Variants in VPS13D observed in about 807,000 individuals in gnomAD.
The protein encoded by VPS13D is intermembrane lipid transfer protein VPS13D.
VPS13D carries 187 observed loss-of-function variants against 461.9 expected under a neutral mutation model. That is an observed-to-expected ratio of 0.40 (90% CI 0.36 to 0.46). The LOEUF (loss-of-function observed/expected upper bound fraction) is 0.46, where lower values mean the gene tolerates loss of function less well. VPS13D is among the 20% of genes least tolerant of loss of function. VPS13D has a pLI of 0.60. For missense variants in VPS13D, 4,711 were observed against 5,364.9 expected (o/e 0.88, Z 3.81); for synonymous variants, 1,951 against 1,986.3 (o/e 0.98, Z 0.47).
At chr1:12,432,758 G>A (rs1193870002) in intron 65 of VPS13D, among the ~76,000 whole-genome samples, 2 of 151,976 alleles carry the variant, frequency 1.3e-5, no homozygotes, top group Admixed American at 6.6e-5. Flanking sequence ...ACCACACCTG[G>A]CTAAATTTTT....
chr1:12,277,484 T>G lies in VPS13D; in HGVS notation c.3896T>G (p.Phe1299Cys). 1 of 1,614,098 alleles carries G rather than the reference T, an allele frequency of 6.2e-7. No homozygotes were observed. Among genetic ancestry groups the G allele is most frequent in the Non-Finnish European group, 8.5e-7 (1 of 1,180,014 alleles). The stretch of plus-strand genomic sequence containing the variant: ...TTACATTATAACCACTCTGCTAAGT[T>G]TTTGAAGGAGTTGACGTTATCCATG... Reference protein sequence around the residue: ...ASLHYNHSAKFLKELTLSMDE... With the variant: ...ASLHYNHSAKCLKELTLSMDE... The change falls in exon 19 of 70, where the codon TTT becomes TGT. Residue 1299 changes from phenylalanine to cysteine, a missense_variant. This residue lies in a region of VPS13D where 4,411 missense variants were observed against 4,937.8 expected (regional missense o/e 0.89). Transcript: ENST00000620676.
At chr1:12,283,794 T>C in intron 21 of VPS13D, 58 bp downstream of exon 21, 1 of 1,490,788 alleles carries the variant, frequency 6.7e-7, no homozygotes, top group South Asian at 1.3e-5. Flanking sequence ...GGCTTGTTGA[T>C]TTAAATACAA....
intron 44 of VPS13D, among the ~76,000 whole-genome samples, chr1:12,348,175 A>G (rs1643717386): frequency 6.6e-6 from 1 of 152,202 alleles, no homozygotes; most frequent in Admixed American, 6.5e-5. Flanking sequence ...TTTCTTTTAC[A>G]CTTTCTGGAT....
chr1:12,346,780 C>A, intron 44 of VPS13D, 128 bp downstream of exon 44: 1 of 899,560 alleles, frequency 1.1e-6, no homozygotes, highest in Non-Finnish European at 1.6e-6. Context: ...TTTATCTCTG[C>A]CCTTTTCTAT....
intron 2 of VPS13D, among the ~76,000 whole-genome samples, chr1:12,237,133 A>G (rs1383038771): frequency 6.7e-6 from 1 of 149,948 alleles, no homozygotes; most frequent in Non-Finnish European, 1.5e-5. Context: ...GTGTGTGTAT[A>G]TATATGTGTG....
In VPS13D at chr1:12,372,021, T is replaced by C. The variant is rs534309259; in HGVS notation, c.10809-1729T>C. Among the ~76,000 whole-genome samples, 246 of 152,284 alleles carry C rather than the reference T, an allele frequency of 1.6e-3. 1 individual carries two copies. The highest frequency in any genetic ancestry group is 5.5e-3 in the African/African-American group (227 of 41,562). ...GTAGAGAGGTTCCAATTTCTCCACA[T>C]CCTCACCAACATGTGTTGGTTTTTG... On this transcript the variant is annotated intron_variant, in intron 54 of 69. Transcript: ENST00000620676.
At chr1:12,254,403 C>T (rs1474904582) in intron 7 of VPS13D, among the ~76,000 whole-genome samples, 2 of 151,618 alleles carry the variant, frequency 1.3e-5, no homozygotes, top group Non-Finnish European at 2.9e-5. Flanking sequence ...AACTTTCTTA[C>T]CACATTTATG....
intron 44 of VPS13D, 91 bp from the exon 45 acceptor site, chr1:12,348,732 C>T (rs1160251108): frequency 1.4e-6 from 2 of 1,463,690 alleles, no homozygotes; most frequent in African/African-American, 1.4e-5. Flanking sequence ...AGTAATAAGA[C>T]ACTTTTAAGG....
intron 67 of VPS13D, among the ~76,000 whole-genome samples, chr1:12,488,248 A>C (rs1054618911): frequency 2.6e-5 from 4 of 152,254 alleles, no homozygotes; most frequent in African/African-American, 9.6e-5. Flanking sequence ...AAAGAGGGAG[A>C]TGATTAACTT....
intron 64 of VPS13D, among the ~76,000 whole-genome samples, 155 bp downstream of exon 64, chr1:12,415,376 G>A (rs918338824): frequency 1.1e-4 from 16 of 152,142 alleles, no homozygotes; most frequent in East Asian, 1.9e-4. Flanking sequence ...CAAGAAGCCC[G>A]TATGTGTCAT....
At chr1:12,486,832 T>A (rs1484116073) in intron 67 of VPS13D, among the ~76,000 whole-genome samples, 1 of 152,230 alleles carries the variant, frequency 6.6e-6, no homozygotes, top group Non-Finnish European at 1.5e-5. Context: ...CTTGTGGCCC[T>A]GGTCTGCCCC....
chr1:12,276,133 G>C lies in VPS13D; in HGVS notation c.2545G>C (p.Val849Leu). The change falls in exon 19 of 70, where the codon GTA (valine) becomes CTA (leucine). Residue 849 changes from valine (V) to leucine (L), a missense_variant. Physicochemically the swap from Val to Leu is conservative, Grantham distance 32. This residue lies in a region of VPS13D where 4,411 missense variants were observed against 4,937.8 expected (regional missense o/e 0.89). Transcript: ENST00000620676. This position sits in a 1 kb window ranked among gnomAD's most constrained non-coding sequence, Gnocchi z 4.5. ...QDIDVGPTHV[V>L]EKFNVHLQLE... ...TATTGACGTGGGACCAACACATGTG[G>C]TAGAGAAGTTCAACGTTCACCTACA... 6.2e-7 allele frequency: 1 copy of C among 1,614,146 alleles called. No homozygotes were observed. The highest frequency in any genetic ancestry group is 8.5e-7 in the Non-Finnish European group (1 of 1,180,022).
chr1:12,349,506 T>A, intron 46 of VPS13D, 132 bp downstream of exon 46: 1 of 977,978 alleles, frequency 1.0e-6, no homozygotes, highest in Non-Finnish European at 1.5e-6. Context: ...TTCTTATTCC[T>A]TGAGTTTTAG....
At chr1:12,394,344 A>G (rs185181477) in intron 60 of VPS13D, among the ~76,000 whole-genome samples, 2 of 152,232 alleles carry the variant, frequency 1.3e-5, no homozygotes, top group Admixed American at 6.5e-5. Flanking sequence ...TAGGAACACC[A>G]TGATTAATTA....
At chr1:12,238,957 GA>G (rs1207604968) in intron 2 of VPS13D, among the ~76,000 whole-genome samples, 2 of 151,960 alleles carry the variant, frequency 1.3e-5, no homozygotes, top group Non-Finnish European at 2.9e-5. Flanking sequence ...TATAGTCCCT[GA>G]TCTCAGAGGA....
chr1:12,439,413 A>T (rs991803175), intron 65 of VPS13D, among the ~76,000 whole-genome samples: 1 of 151,974 alleles, frequency 6.6e-6, no homozygotes, highest in Non-Finnish European at 1.5e-5. Context: ...TTTCTCAGGG[A>T]GGCCCTTCCT....
intron 67 of VPS13D, among the ~76,000 whole-genome samples, chr1:12,482,541 T>TA (rs1173965004): frequency 6.6e-6 from 1 of 152,214 alleles, no homozygotes; most frequent in Non-Finnish European, 1.5e-5. Flanking sequence ...TATGATTTCT[T>TA]AGAGTGTATG....
chr1:12,341,982 TG>T, intron 41 of VPS13D, 97 bp downstream of exon 41: 5 of 1,042,472 alleles, frequency 4.8e-6, no homozygotes, highest in Non-Finnish European at 7.1e-6. Context: ...TTGAGGCTCT[TG>T]GGATGATATT....
At chr1:12,467,237 C>T (rs947305805) in intron 67 of VPS13D, among the ~76,000 whole-genome samples, 8 of 152,174 alleles carry the variant, frequency 5.3e-5, no homozygotes, top group African/African-American at 1.9e-4. Context: ...AGTGGCACAA[C>T]CTCGGCTCAC....
Sources: allele counts gnomAD v4.1 joint callset (sites outside exome capture counted in the v4.1 genomes callset), GRCh38; gene constraint gnomAD v4.1.1; regional missense constraint gnomAD v4.1.1; non-coding constraint Gnocchi (gnomAD v3.1); transcripts MANE v1.5; gene names NCBI Gene and HGNC (gene_info 2026-07-23, HGNC 2026-07-21).